The following FAM184B variants were observed in gnomAD, a reference collection of about 807,000 sequenced individuals.
FAM184B encodes the protein family with sequence similarity 184 member B.
In FAM184B, 111 loss-of-function variants were observed where a neutral mutation model predicts 135.9. The observed-to-expected ratio is 0.82, with a 90% CI of 0.70 to 0.96. FAM184B has a LOEUF of 0.96. Among genes scored for constraint, FAM184B ranks in the 40% least tolerant of loss-of-function variants. FAM184B has a pLI of 0.00. For missense variants in FAM184B, 1,375 were observed against 1,323.9 expected (o/e 1.04, Z -0.60); for synonymous variants, 552 against 524.8 (o/e 1.05, Z -0.71).
intron 14 of FAM184B, among the ~76,000 whole-genome samples, chr4:17,638,215 T>TTC (rs1046509520): frequency 5.3e-5 from 8 of 149,592 alleles, no homozygotes; most frequent in Non-Finnish European, 1.0e-4. Context: ...GAGACAGAGT[T>TTC]TCTCTCTCTG....
chr4:17,634,016 A>G, intron 16 of FAM184B, 128 bp from the exon 17 acceptor site: 1 of 627,156 alleles, frequency 1.6e-6, no homozygotes, highest in Non-Finnish European at 2.4e-6. Flanking sequence ...TCATTTATAC[A>G]CTTACATGCT....
chr4:17,706,840 C>T (rs1717131114), intron 3 of FAM184B, among the ~76,000 whole-genome samples: 1 of 151,638 alleles, frequency 6.6e-6, no homozygotes, highest in Non-Finnish European at 1.5e-5. Flanking sequence ...GGCTGGAGTG[C>T]AATGGCCCAG....
chr4:17,751,868 A>ACACACAC (rs1382691924), intron 1 of FAM184B, among the ~76,000 whole-genome samples: 66 of 57,042 alleles, frequency 1.2e-3, no homozygotes, highest in Middle Eastern at 9.3e-3. Flanking sequence ...CACACACACA[A>ACACACAC]AAGAACCAGG....
chr4:17,770,840 T>C (rs1271020655), intron 1 of FAM184B, among the ~76,000 whole-genome samples: 1 of 152,138 alleles, frequency 6.6e-6, no homozygotes. Context: ...TATTGAGATA[T>C]AATTCTCATA....
At chr4:17,722,788 G>T (rs1717558684) in intron 1 of FAM184B, among the ~76,000 whole-genome samples, 1 of 152,210 alleles carries the variant, frequency 6.6e-6, no homozygotes, top group Non-Finnish European at 1.5e-5. Context: ...CTTGCTTAGA[G>T]TTTTTGGAAA....
intron 5 of FAM184B, among the ~76,000 whole-genome samples, chr4:17,693,849 C>T (rs958342196): frequency 7.9e-5 from 12 of 152,164 alleles, no homozygotes; most frequent in Non-Finnish European, 1.3e-4. Flanking sequence ...TGGTGGCTCA[C>T]GCCTGTAATC....
At chr4:17,707,957 C>G (rs1392611697) in intron 2 of FAM184B, among the ~76,000 whole-genome samples, 173 bp from the exon 3 acceptor site, 1 of 152,058 alleles carries the variant, frequency 6.6e-6, no homozygotes, top group African/African-American at 2.4e-5. Flanking sequence ...CTCTGGCCTT[C>G]CTTTAGTGAG....
At chr4:17,770,908 C>T (rs566052306) in intron 1 of FAM184B, among the ~76,000 whole-genome samples, 5 of 152,328 alleles carry the variant, frequency 3.3e-5, no homozygotes, top group Admixed American at 1.3e-4. Context: ...TTCAGAGTTG[C>T]GGAACCATCA....
intron 7 of FAM184B, among the ~76,000 whole-genome samples, chr4:17,682,008 T>C (rs1399395092): frequency 6.6e-6 from 1 of 152,192 alleles, no homozygotes; most frequent in Non-Finnish European, 1.5e-5. Context: ...CCTCCAAGGA[T>C]CAAGATTGGG....
chr4:17,698,703 C>G (rs546729369), intron 5 of FAM184B, among the ~76,000 whole-genome samples: 3 of 152,064 alleles, frequency 2.0e-5, no homozygotes, highest in Non-Finnish European at 4.4e-5. Context: ...CTGCTCTAGA[C>G]TCATCCTAAC....
At chr4:17,727,873 G>T (rs1717677787) in intron 1 of FAM184B, among the ~76,000 whole-genome samples, 1 of 152,186 alleles carries the variant, frequency 6.6e-6, no homozygotes, top group African/African-American at 2.4e-5. Context: ...GGGAATGAAA[G>T]TGACAAAGGG....
intron 7 of FAM184B, among the ~76,000 whole-genome samples, chr4:17,681,899 G>A (rs888374835): frequency 7.2e-5 from 11 of 152,170 alleles, no homozygotes; most frequent in African/African-American, 2.7e-4. Flanking sequence ...TCTCCCATAT[G>A]GGCTTGCCAT....
intron 1 of FAM184B, among the ~76,000 whole-genome samples, chr4:17,766,753 G>T (rs1382035198): frequency 6.6e-6 from 1 of 152,254 alleles, no homozygotes; most frequent in Admixed American, 6.5e-5. Context: ...TCACCTAGAG[G>T]ATCCCGCACC....
chr4:17,668,832 G>A (rs1716111251), intron 7 of FAM184B, among the ~76,000 whole-genome samples: 1 of 152,104 alleles, frequency 6.6e-6, no homozygotes, highest in East Asian at 1.9e-4. Context: ...CACCGCACCT[G>A]GCCTTGCTAC....
intron 12 of FAM184B, among the ~76,000 whole-genome samples, chr4:17,643,779 A>G (rs907992306): frequency 6.6e-5 from 10 of 152,212 alleles, no homozygotes; most frequent in Admixed American, 2.0e-4. Context: ...CTGGCCACCA[A>G]TGAATCCTCA....
chr4:17,645,880 A>G (rs940269467), intron 12 of FAM184B, among the ~76,000 whole-genome samples: 2 of 151,924 alleles, frequency 1.3e-5, no homozygotes, highest in African/African-American at 2.4e-5. Flanking sequence ...CAAATTTACA[A>G]CAAAAAAACA....
In FAM184B at chr4:17,632,519, C is replaced by A; in HGVS notation, c.*13G>T. 1 of 1,542,020 alleles carries A rather than the reference C, an allele frequency of 6.5e-7. No individual in the cohort carries two copies. The highest frequency in any genetic ancestry group is 1.4e-5 in the African/African-American group (1 of 72,888). ...TTTTCAAGTATCCTCTGTGATGTAT[C>A]CCAAAGGTTAGCTTAGAAAGAAAAG... On this transcript the variant is annotated 3_prime_UTR_variant, in exon 18 of 18. Coordinates refer to ENST00000265018, the MANE Select transcript of FAM184B (RefSeq NM_015688.2).
chr4:17,656,964 A>G (rs1212512116), intron 10 of FAM184B, among the ~76,000 whole-genome samples: 1 of 152,198 alleles, frequency 6.6e-6, no homozygotes, highest in African/African-American at 2.4e-5. Flanking sequence ...ACAGTAGATC[A>G]GCATTTTAGG....
In FAM184B at chr4:17,721,917, C is replaced by G. The variant is rs73800365; in HGVS notation, c.142-12273G>C. On this transcript the variant is annotated intron_variant, in intron 1 of 17. Coordinates refer to ENST00000265018, the MANE Select transcript of FAM184B (RefSeq NM_015688.2). ...GGAAGTTTCTCTCACAAGATTCGGC[C>G]TCTTGGGAGTTAGGGGGAATAACAC... is the stretch of plus-strand genomic sequence containing the variant. Among the ~76,000 whole-genome samples the G allele has an allele frequency of 8.4e-3, 1,278 of 152,282 alleles. 19 individuals carry two copies. Among genetic ancestry groups the G allele is most frequent in the African/African-American group, 0.028 (1,173 of 41,554 alleles).
Sources: allele counts gnomAD v4.1 joint callset (sites outside exome capture counted in the v4.1 genomes callset), GRCh38; gene constraint gnomAD v4.1.1; transcripts MANE v1.5; gene names NCBI Gene and HGNC (gene_info 2026-07-23, HGNC 2026-07-21).